The following PROM1 variants were observed in gnomAD, a reference collection of about 807,000 sequenced individuals.
PROM1 encodes the protein prominin-1.
PROM1 carries 105 observed loss-of-function variants against 116.9 expected under a neutral mutation model. That is an observed-to-expected ratio of 0.90 (90% CI 0.77 to 1.06). The LOEUF is 1.06. PROM1 is among the 50% of genes least tolerant of loss of function. The probability of loss-of-function intolerance (pLI) is 0.00; values close to 1 mark genes in which losing one functional copy is unlikely to be tolerated. For synonymous variants in PROM1, 393 were observed against 387.0 expected (o/e 1.02, Z -0.18); for missense variants, 1,122 against 1,045.2 (o/e 1.07, Z -1.01).
intron 2 of PROM1, among the ~76,000 whole-genome samples, chr4:16,056,071 G>T (rs13137175): frequency 0.15 from 23,205 of 152,028 alleles, 2,198 homozygotes; most frequent in East Asian, 0.25. Flanking sequence ...GTGCAAGCAG[G>T]GGGTTAGGAA....
At position 15,969,687 on chromosome 4, in the gene PROM1, A is replaced by C. The variant is rs181307508; in HGVS notation, c.*25-319T>G. Among the ~76,000 whole-genome samples the C allele has an allele frequency of 9.3e-4, 141 of 152,116 alleles. 1 individual carries two copies. The highest frequency in any genetic ancestry group is 3.2e-3 in the African/African-American group (131 of 41,490). On this transcript the variant is annotated intron_variant, in intron 27 of 27. Coordinates refer to ENST00000447510, the MANE Select transcript of PROM1 (RefSeq NM_006017.3). ...CTGCAACCTCCGTCTCCCGGGTTTA[A>C]GCCTCAGCCTCCCAAGTAGCTGGGA...
rs191256150 is a variant in PROM1 at position 16,000,919 on chromosome 4, C to T, written c.1455-300G>A. Among the ~76,000 whole-genome samples, 49 of 151,490 alleles carry T rather than the reference C, an allele frequency of 3.2e-4. 1 individual carries two copies. The East Asian group carries it at 8.4e-3, about 26-fold the overall frequency. On this transcript the variant is annotated intron_variant, in intron 13 of 27. Transcript: ENST00000447510. ...TGGGGAGGGACAGCTCCAGGGAAGGCGGGGATGTACTGTATAGGGGCCTGG... is the reference window on the plus strand; with the variant it reads ...TGGGGAGGGACAGCTCCAGGGAAGGTGGGGATGTACTGTATAGGGGCCTGG...
At chr4:16,077,855 C>T (rs1744276946) in intron 1 of PROM1, among the ~76,000 whole-genome samples, 1 of 152,188 alleles carries the variant, frequency 6.6e-6, no homozygotes, top group African/African-American at 2.4e-5. Flanking sequence ...TTATATTCTA[C>T]TTATTTACTC....
chr4:15,972,260 T>A (rs941880863), intron 26 of PROM1, among the ~76,000 whole-genome samples: 2 of 152,190 alleles, frequency 1.3e-5, no homozygotes, highest in Non-Finnish European at 2.9e-5. Flanking sequence ...CTTAGTATGT[T>A]TTCTGCTGCT....
At chr4:16,051,779 T>C (rs1329801455) in intron 2 of PROM1, among the ~76,000 whole-genome samples, 4 of 152,204 alleles carry the variant, frequency 2.6e-5, no homozygotes, top group African/African-American at 9.6e-5. Context: ...TTTCTGACCC[T>C]GGTTTAATGA....
chr4:16,026,508 A>C (rs1731329115), intron 5 of PROM1, among the ~76,000 whole-genome samples: 1 of 152,236 alleles, frequency 6.6e-6, no homozygotes, highest in Non-Finnish European at 1.5e-5. Flanking sequence ...CTTTAAAAAC[A>C]TATCAGATGC....
chr4:16,081,082 A>G (rs1335582218), intron 1 of PROM1, among the ~76,000 whole-genome samples: 2 of 151,114 alleles, frequency 1.3e-5, no homozygotes, highest in Non-Finnish European at 1.5e-5. Context: ...TTTTTATTAT[A>G]CTTTAAGTTC....
chr4:15,970,558 G>A (rs988540678), intron 27 of PROM1, among the ~76,000 whole-genome samples: 20 of 149,994 alleles, frequency 1.3e-4, no homozygotes, highest in Admixed American at 1.3e-3. Flanking sequence ...CTGTGTGTGT[G>A]TATATATATA....
intron 1 of PROM1, among the ~76,000 whole-genome samples, chr4:16,077,218 A>T (rs1181409062): frequency 6.6e-6 from 1 of 152,230 alleles, no homozygotes; most frequent in Non-Finnish European, 1.5e-5. Context: ...TGTATGTTCC[A>T]TCTACTGAGA....
In PROM1 at chr4:16,000,546, T is replaced by A. The variant is rs1723517670; in HGVS notation, c.1528A>T (p.Asn510Tyr). Residue 510 changes from asparagine (N) to tyrosine (Y), a missense_variant, in exon 14 of 28, where the codon AAT (asparagine) becomes TAT (tyrosine). Physicochemically the swap from Asn to Tyr is moderately radical, Grantham distance 143. Transcript: ENST00000447510. ...IVVLTFVFGA[N>Y]VEKLICEPYT... ...GGTTCACAGATCAGTTTTTCCACAT[T>A]TGCACCAAAGACAAAGGTAAGAACC... 1 of 1,594,200 alleles carries A rather than the reference T, an allele frequency of 6.3e-7. No individual in the cohort carries two copies. The highest frequency in any genetic ancestry group is 8.6e-7 in the Non-Finnish European group (1 of 1,162,372).
rs763535090 is a variant in PROM1, at chr4:15,984,371, C to A, written c.2281-16G>T. ...TCTCACTGATCTAGGGGGGTGGAAACACAGGGAAACTTTGAGCTGCATCCA... is the reference window on the plus strand; with the variant it reads ...TCTCACTGATCTAGGGGGGTGGAAAAACAGGGAAACTTTGAGCTGCATCCA... On this transcript the variant is annotated splice_polypyrimidine_tract_variant and intron_variant, in intron 22 of 27. Transcript: ENST00000447510. 1 of 1,521,630 alleles carries A rather than the reference C, an allele frequency of 6.6e-7. No homozygotes were observed. The highest frequency in any genetic ancestry group is 8.9e-7 in the Non-Finnish European group (1 of 1,124,404). 94.3% of individuals were successfully genotyped at this position (1,521,630 alleles called of 1,614,324 possible).
At position 15,985,777 on chromosome 4, in the gene PROM1, G is replaced by A. The variant is rs1484012415; in HGVS notation, c.2263C>T (p.Gln755Ter). The change falls in exon 22 of 28, where the codon CAG becomes TAG. Residue 755 changes from glutamine to a stop codon, truncating the protein, a stop_gained. Coordinates refer to ENST00000447510, the MANE Select transcript of PROM1 (RefSeq NM_006017.3). LOFTEE classifies it high-confidence loss of function. ...TIIGYFEHYL[Q>*]WIEFSISEKV... ...CTACTTACAGAGAACTCGATCCACT[G>A]CAGATAATGTTCAAAATATCCTATT... is the stretch of plus-strand genomic sequence containing the variant. 2 of 1,528,650 alleles carry A rather than the reference G, an allele frequency of 1.3e-6. No individual in the cohort carries two copies. The highest frequency in any genetic ancestry group is 2.4e-5 in the East Asian group (1 of 42,128). The allele number at this position is 1,528,650 out of a possible 1,614,324, so 94.7% of individuals were successfully genotyped here.
At chr4:16,082,508 T>G (rs1745227685) in intron 1 of PROM1, 1 of 152,070 alleles carries the variant, frequency 6.6e-6, no homozygotes, top group Non-Finnish European at 1.5e-5. Flanking sequence ...GGCGCCGGCT[T>G]CCCCGCCCTT....
intron 9 of PROM1, among the ~76,000 whole-genome samples, 177 bp downstream of exon 9, chr4:16,018,146 C>A (rs1183837431): frequency 1.3e-5 from 2 of 152,148 alleles, no homozygotes; most frequent in Non-Finnish European, 2.9e-5. Context: ...TACTCCTTTG[C>A]TCCTGCTGTG....
chr4:16,082,451 T>C (rs954240425), intron 1 of PROM1: 1 of 152,142 alleles, frequency 6.6e-6, no homozygotes, highest in African/African-American at 2.4e-5. Context: ...GAAAGGTCAG[T>C]CGCCTTAGCG....
chr4:16,012,752 T>A (rs1008060046), intron 11 of PROM1, among the ~76,000 whole-genome samples: 3 of 150,754 alleles, frequency 2.0e-5, no homozygotes, highest in African/African-American at 7.3e-5. Context: ...GCACCTGTAG[T>A]CCCAGCTACT....
chr4:16,026,398 T>A (rs902862922), intron 5 of PROM1, among the ~76,000 whole-genome samples: 1 of 152,182 alleles, frequency 6.6e-6, no homozygotes, highest in Non-Finnish European at 1.5e-5. Flanking sequence ...CCGAACTATT[T>A]TTACCTGCAG....
At position 16,009,125 on chromosome 4, in the gene PROM1, CTT is replaced by C; in HGVS notation, c.1142-19_1142-18del. 1 of 1,606,718 alleles carries C rather than the reference CTT, an allele frequency of 6.2e-7. No individual in the cohort carries two copies. Among genetic ancestry groups the C allele is most frequent in the Non-Finnish European group, 8.5e-7 (1 of 1,175,956 alleles). ...TTTTGATACCTGAAAACAAAGATAC[CTT>C]TGTTATGCATTTGCAAACATGGAGG... On this transcript the variant is annotated intron_variant, in intron 11 of 27. Transcript: ENST00000447510.
At chr4:16,000,746 A>T in intron 13 of PROM1, 127 bp from the exon 14 acceptor site, 2 of 786,966 alleles carry the variant, frequency 2.5e-6, no homozygotes, top group Non-Finnish European at 3.6e-6. Context: ...GGTGAAACAG[A>T]TCATCCACCT....
Sources: allele counts gnomAD v4.1 joint callset (sites outside exome capture counted in the v4.1 genomes callset), GRCh38; gene constraint gnomAD v4.1.1; transcripts MANE v1.5; gene names NCBI Gene and HGNC (gene_info 2026-07-23, HGNC 2026-07-21).